The following F8 variants were observed in gnomAD, a reference collection of about 807,000 sequenced individuals.
F8 encodes antihemophilic factor.
F8 carries 12 observed loss-of-function variants against 140.6 expected under a neutral mutation model. The observed-to-expected ratio is 0.09, with a 90% CI of 0.05 to 0.14. The LOEUF is 0.14. Ranked by LOEUF, F8 falls within the 10% of genes least tolerant of loss-of-function variation. The pLI is 1.00. For missense variants in F8, 1,354 were observed against 1,720.7 expected (o/e 0.79, Z 3.77); for synonymous variants, 585 against 614.6 (o/e 0.95, Z 0.71).
At chrX:154,962,727 G>C (rs1191001560) in intron 9 of F8, among the ~76,000 whole-genome samples, 1 of 111,054 alleles carries the variant, frequency 9.0e-6, no homozygotes, top group East Asian at 2.8e-4. Flanking sequence ...TTAGCTAGGC[G>C]TGGTGGTGCA....
At chrX:154,893,338 T>C (rs1263348940) in intron 22 of F8, among the ~76,000 whole-genome samples, 2 of 112,454 alleles carry the variant, frequency 1.8e-5, no homozygotes, top group African/African-American at 6.5e-5. Flanking sequence ...ATTTGGCTCA[T>C]AATAAATCTC....
At position 154,928,668 on chromosome X, in the gene F8, G is replaced by A. The variant is rs111033613; in HGVS notation, c.5122C>T (p.Arg1708Cys). The A allele has an allele frequency of 8.3e-7, 1 of 1,208,032 alleles. No homozygotes were observed. Among genetic ancestry groups the A allele is most frequent in the Non-Finnish European group, 1.1e-6 (1 of 894,528 alleles). ...TGTCGTGTTTTCTTTTGAAAGCTGCGGGGGCTCTGATTTTCATCCTCATCA... is the reference window on the plus strand; with the variant it reads ...TGTCGTGTTTTCTTTTGAAAGCTGCAGGGGCTCTGATTTTCATCCTCATCA... ...IYDEDENQSP[R>C]SFQKKTRHYF... The change falls in exon 14 of 26, where the codon CGC becomes TGC. Residue 1708 changes from arginine to cysteine, a missense_variant. Arg to Cys is a radical substitution (Grantham distance 180). Transcript: ENST00000360256.
chrX:154,911,834 C>T (rs920652449), intron 14 of F8, among the ~76,000 whole-genome samples: 1 of 112,211 alleles, frequency 8.9e-6, no homozygotes, highest in African/African-American at 3.2e-5. Flanking sequence ...AGTGTACAAG[C>T]ATTCCCCTTT....
intron 25 of F8, among the ~76,000 whole-genome samples, chrX:154,846,813 T>A (rs2072570336): frequency 8.9e-6 from 1 of 111,939 alleles, no homozygotes; most frequent in South Asian, 3.7e-4. Flanking sequence ...TGTGTGAATT[T>A]GATCCTGTCA....
chrX:155,000,757 G>A (rs1199737903), intron 1 of F8, among the ~76,000 whole-genome samples: 4 of 112,289 alleles, frequency 3.6e-5, no homozygotes, highest in African/African-American at 6.5e-5. Context: ...ACTTAGATGT[G>A]AAGCAGTTGT....
intron 14 of F8, among the ~76,000 whole-genome samples, chrX:154,914,887 G>A (rs1242813554): frequency 1.8e-5 from 2 of 111,273 alleles, no homozygotes; most frequent in Non-Finnish European, 3.8e-5. Flanking sequence ...ACATTTTCAG[G>A]TATCCTTATA....
rs1185466045 is a variant in F8 at position 154,955,165 on chromosome X, C to CTTTTTT, written c.1753-1129_1753-1124dup. ...GTTTTGCCCAAAAGTATTTATTAAG[C>CTTTTTT]TTTTTTTTTTTTTTTTTTTTTTTTT... On this transcript the variant is annotated intron_variant, in intron 11 of 25. Transcript: ENST00000360256. 1.2e-3 allele frequency among the ~76,000 whole-genome samples: 45 copies of CTTTTTT among 36,079 alleles called. 10 individuals carry two copies. Among genetic ancestry groups the CTTTTTT allele is most frequent in the African/African-American group, 3.4e-3 (29 of 8,460 alleles). The allele number at this position is 36,079 out of a possible 115,157, so 31.3% of individuals were successfully genotyped here. A position where few individuals can be genotyped will look rare whatever the true frequency, so the allele number is the denominator to read the frequency against.
At chrX:155,020,009 G>C (rs1463294309) in intron 1 of F8, among the ~76,000 whole-genome samples, 1 of 111,594 alleles carries the variant, frequency 9.0e-6, no homozygotes, top group Non-Finnish European at 1.9e-5. Context: ...TCACAACAGG[G>C]CTTGGATCTT....
At chrX:154,982,448 A>C (rs1419060344) in intron 6 of F8, among the ~76,000 whole-genome samples, 3 of 43,170 alleles carry the variant, frequency 6.9e-5, no homozygotes, top group African/African-American at 1.8e-4. Flanking sequence ...TCCGTCTCAA[A>C]AAAAAAAAAA....
At chrX:154,905,139 T>G in intron 15 of F8, 116 bp from the exon 16 acceptor site, 1 of 567,011 alleles carries the variant, frequency 1.8e-6, no homozygotes, top group Non-Finnish European at 2.9e-6. Context: ...ATCAAAGTTT[T>G]TAATACCCTG....
chrX:154,856,686 G>T (rs1167831214), intron 25 of F8, among the ~76,000 whole-genome samples: 2 of 112,000 alleles, frequency 1.8e-5, no homozygotes, highest in Non-Finnish European at 3.8e-5. Context: ...ATGAAGGGGA[G>T]GCTCAGTCTC....
chrX:154,906,499 G>C lies in F8; in HGVS notation c.5294C>G (p.Pro1765Arg). The change falls in exon 15 of 26, where the codon CCC (proline) becomes CGC (arginine). Residue 1765 changes from proline (P) to arginine (R), a missense_variant. By Grantham distance (103) the Pro-to-Arg change is moderately radical. This residue lies in a region of F8 where 316 missense variants were observed against 485.4 expected (regional missense o/e 0.65). Transcript: ENST00000360256. ...QEFTDGSFTQ[P>R]LYRGELNEHL... ...TTCATTTAGTTCTCCACGGTATAAG[G>C]GCTGAGTAAAGGAGCCATCAGTAAA... The C allele has an allele frequency of 1.7e-6, 2 of 1,209,778 alleles. No individual in the cohort carries two copies. Among genetic ancestry groups the C allele is most frequent in the Non-Finnish European group, 2.2e-6 (2 of 894,030 alleles).
At position 154,929,347 on chromosome X, in the gene F8, C is replaced by T; in HGVS notation, c.4443G>A (p.Leu1481=). Residue 1481 remains leucine (L), a synonymous_variant, in exon 14 of 26, where the codon CTG becomes CTA. Transcript: ENST00000360256. The part of the protein sequence containing the change: ...MTGDQREVGS[L]GTSATNSVTY... ...TGACTGAATTTGTGGCACTTGTCCC[C>T]AGGGAGCCAACCTCTCTTTGATCAC... The T allele has an allele frequency of 5.8e-6, 7 of 1,211,924 alleles. No individual in the cohort carries two copies. Among genetic ancestry groups the T allele is most frequent in the Non-Finnish European group, 7.8e-6 (7 of 895,513 alleles).
At chrX:154,904,572 T>C in intron 16 of F8, 48 bp from the exon 17 acceptor site, 2 of 1,071,840 alleles carry the variant, frequency 1.9e-6, no homozygotes, top group Middle Eastern at 2.5e-4. Context: ...CTCTCACCTA[T>C]GAACCAGAGT....
rs1307273510 is a variant in F8 at position 154,953,977 on chromosome X, G to C, written c.1818C>G (p.Leu606=). 1.7e-6 allele frequency: 2 copies of C among 1,211,150 alleles called. No individual in the cohort carries two copies. The highest frequency in any genetic ancestry group is 4.3e-5 in the Admixed American group (2 of 46,032). ...SVFDENRSWY[L]TENIQRFLPN... is the part of the protein sequence containing the mutation. Reference sequence around the variant, plus strand: ...GGAGAAAGCGTTGTATATTCTCTGTGAGGTACCAGCTTCGGTTCTCATCAA... The same window carrying C: ...GGAGAAAGCGTTGTATATTCTCTGTCAGGTACCAGCTTCGGTTCTCATCAA... The change falls in exon 12 of 26, where the codon CTC becomes CTG. Residue 606 remains leucine (L), a synonymous_variant. Transcript: ENST00000360256.
intron 13 of F8, 88 bp downstream of exon 13, chrX:154,947,610 A>G: frequency 1.4e-6 from 1 of 692,573 alleles, no homozygotes; most frequent in Non-Finnish European, 2.3e-6. Context: ...GCTATAAATG[A>G]CAGCATGTGA....
chrX:154,915,192 G>A (rs2073089391), intron 14 of F8, among the ~76,000 whole-genome samples: 1 of 111,387 alleles, frequency 9.0e-6, no homozygotes, highest in African/African-American at 3.3e-5. Context: ...ACAGCATGGG[G>A]GAAAACTGCC....
At chrX:154,909,662 C>G (rs782693306) in intron 14 of F8, 1 of 114,551 alleles carries the variant, frequency 8.7e-6, no homozygotes, top group Non-Finnish European at 1.8e-5. Context: ...TTTGTTAACA[C>G]CACTAGCAAT....
chrX:155,013,145 C>CAAAAA (rs34940593), intron 1 of F8, among the ~76,000 whole-genome samples: 28 of 33,796 alleles, frequency 8.3e-4, no homozygotes, highest in East Asian at 1.9e-3. Flanking sequence ...GACTCCGTCT[C>CAAAAA]AAAAAAAAAA....
Sources: gnomAD v4.1 joint callset for allele counts (sites outside exome capture counted in the v4.1 genomes callset) on GRCh38, gnomAD v4.1.1 for gene constraint, gnomAD v4.1.1 regional missense constraint, MANE v1.5 for transcripts, NCBI Gene and HGNC (gene_info 2026-07-23, HGNC 2026-07-21) for gene names.